The following PRDM15 variants were observed in gnomAD, a reference collection of about 807,000 sequenced individuals.
PRDM15 encodes the protein PR domain zinc finger protein 15.
Under a neutral mutation model 128.6 loss-of-function variants are expected in PRDM15, and 64 were observed. The ratio of observed to expected loss-of-function variants is 0.50; its 90% CI spans 0.41 to 0.61. The LOEUF is 0.61. Among genes scored for constraint, PRDM15 ranks in the 20% least tolerant of loss-of-function variants. PRDM15 has a pLI of 0.00. For synonymous variants in PRDM15, 615 were observed against 621.8 expected, an observed-to-expected ratio of 0.99 and a Z score of 0.16; for missense variants, 1,242 against 1,569.1, an observed-to-expected ratio of 0.79 and a Z score of 3.52.
intron 1 of PRDM15, among the ~76,000 whole-genome samples, chr21:41,871,199 G>A (rs951134230): frequency 2.0e-5 from 3 of 152,124 alleles, no homozygotes; most frequent in African/African-American, 7.2e-5. Flanking sequence ...CAGTTAAAAG[G>A]CATGTGTTCT....
rs181210019 is a variant in PRDM15, at chr21:41,870,417, C to A, written c.-10+8853G>T. ...GGAGTTTTTGTTGAAGCAGGAGGAG[C>A]ATCTTTCCCGCTGGGCACACGGCCT... On this transcript the variant is annotated intron_variant, in intron 1 of 23. Coordinates refer to ENST00000398548, the MANE Select transcript of PRDM15 (RefSeq NM_001040424.3). 1.4e-4 allele frequency among the ~76,000 whole-genome samples: 21 copies of A among 152,244 alleles called. No homozygotes were observed. In the East Asian group the frequency reaches 2.3e-3, roughly 17 times the overall value.
intron 1 of PRDM15, among the ~76,000 whole-genome samples, chr21:41,868,002 A>G (rs1337622888): frequency 6.6e-6 from 1 of 151,150 alleles, no homozygotes; most frequent in Non-Finnish European, 1.5e-5. Context: ...TGCTGCAGTG[A>G]GACGAGATCC....
intron 22 of PRDM15, among the ~76,000 whole-genome samples, chr21:41,803,785 G>C (rs993644457): frequency 6.6e-6 from 1 of 152,108 alleles, no homozygotes; most frequent in Non-Finnish European, 1.5e-5. Flanking sequence ...CGCTGTTTCA[G>C]AACGAGAGGC....
chr21:41,871,224 A>G (rs2064195821), intron 1 of PRDM15, among the ~76,000 whole-genome samples: 1 of 151,706 alleles, frequency 6.6e-6, no homozygotes, highest in Admixed American at 6.6e-5. Context: ...GCCGGCAGTA[A>G]CTCCCTTTCT....
In PRDM15 at chr21:41,847,241, G is replaced by A. The variant is rs1050565283; in HGVS notation, c.539-50C>T. ...AAGGTGACCCCCAAGCAGCTCATAT[G>A]TCTCCATGAATCCCGGCGCAGCGGA... On this transcript the variant is annotated intron_variant, in intron 5 of 23. Transcript: ENST00000398548. 6.1e-6 allele frequency: 8 copies of A among 1,313,814 alleles called. No individual in the cohort carries two copies. In the African/African-American group the frequency reaches 8.8e-5, roughly 14 times the overall value. The allele number at this position is 1,313,814 out of a possible 1,614,324, so 81.4% of individuals were successfully genotyped here. A position where few individuals can be genotyped will look rare whatever the true frequency, so the allele number is the denominator to read the frequency against.
At chr21:41,839,444 A>C (rs1001637741) in intron 7 of PRDM15, among the ~76,000 whole-genome samples, 179 bp downstream of exon 7, 6 of 152,198 alleles carry the variant, frequency 3.9e-5, no homozygotes, top group Admixed American at 3.9e-4. Context: ...TATTACATGG[A>C]AATTGTACTT....
At chr21:41,849,502 A>G (rs1263766329) in intron 5 of PRDM15, among the ~76,000 whole-genome samples, 2 of 151,708 alleles carry the variant, frequency 1.3e-5, no homozygotes. Flanking sequence ...CGGGAGGTGG[A>G]GGTTGCAGTG....
At position 41,859,153 on chromosome 21, in the gene PRDM15, A is replaced by G; in HGVS notation, c.131+439T>C. 1 of 1,613,818 alleles carries G rather than the reference A, an allele frequency of 6.2e-7. No homozygotes were observed. Among genetic ancestry groups the G allele is most frequent in the Middle Eastern group, 1.7e-4 (1 of 6,056 alleles). On this transcript the variant is annotated intron_variant, in intron 3 of 23. Coordinates refer to ENST00000398548, the MANE Select transcript of PRDM15 (RefSeq NM_001040424.3). This position sits in a 1 kb window ranked among gnomAD's most constrained non-coding sequence, Gnocchi z 5.3. ...CTGCTTCTGGAAGCTGCTGTGGGTC[A>G]GCCCTGTCCCTGTCCTCATAACCCC...
At chr21:41,868,006 G>A (rs1391352423) in intron 1 of PRDM15, among the ~76,000 whole-genome samples, 1 of 148,472 alleles carries the variant, frequency 6.7e-6, no homozygotes, top group Non-Finnish European at 1.5e-5. Flanking sequence ...GCAGTGAGAC[G>A]AGATCCACTG....
intron 21 of PRDM15, among the ~76,000 whole-genome samples, chr21:41,805,967 CTGCCATTCCTAT>C (rs2061554736): frequency 7.0e-6 from 1 of 143,344 alleles, no homozygotes; most frequent in Non-Finnish European, 1.5e-5. Flanking sequence ...ATCACCACCA[CTGCCATTCCTAT>C]CACCACTATC....
intron 1 of PRDM15, among the ~76,000 whole-genome samples, chr21:41,877,112 C>T (rs1407522059): frequency 6.6e-6 from 1 of 152,106 alleles, no homozygotes; most frequent in African/African-American, 2.4e-5. Context: ...GGGGCAGGCA[C>T]CACCGCACCC....
intron 13 of PRDM15, among the ~76,000 whole-genome samples, chr21:41,824,256 T>C (rs537403697): frequency 2.0e-5 from 3 of 152,312 alleles, no homozygotes; most frequent in South Asian, 2.1e-4. Flanking sequence ...GCGACATCTC[T>C]TTCCAAGATG....
In PRDM15 at chr21:41,854,567, G is replaced by T; in HGVS notation, c.537C>A (p.His179Gln). 6.2e-7 allele frequency: 1 copy of T among 1,612,810 alleles called. No individual in the cohort carries two copies. ...PMLKQAGSGV[H>Q]AAGTPENSAP... ...TCCGGATCGGGGGCCGCCACATACC[G>T]TGGACGCCAGAGCCGGCCTGCTTCA... The change falls in exon 5 of 24, where the codon CAC becomes CAA. Residue 179 changes from histidine (H) to glutamine (Q), a missense_variant and splice_region_variant. Physicochemically the swap from His to Gln is conservative, Grantham distance 24. Around this residue, in one of 3 missense-constraint regions of PRDM15, gnomAD observed 612 missense variants for 717.0 expected, o/e 0.85. Coordinates refer to ENST00000398548, the MANE Select transcript of PRDM15 (RefSeq NM_001040424.3). The surrounding 1 kb of genome is among the most constrained non-coding windows in gnomAD (Gnocchi z 4.6).
intron 14 of PRDM15, 164 bp downstream of exon 14, chr21:41,823,154 C>T (rs772867477): frequency 2.4e-5 from 22 of 915,698 alleles, no homozygotes; most frequent in South Asian, 8.5e-5. Context: ...CGCCAGACAC[C>T]GAATCTATGG....
At chr21:41,847,030 AG>A in intron 6 of PRDM15, 59 bp downstream of exon 6, 1 of 1,132,626 alleles carries the variant, frequency 8.8e-7, no homozygotes, top group African/African-American at 1.5e-5. Flanking sequence ...TGACAGCGTA[AG>A]TCAGAGAGAA....
In PRDM15 at chr21:41,819,688, G is replaced by T; in HGVS notation, c.2154C>A (p.His718Gln). 1 of 1,603,262 alleles carries T rather than the reference G, an allele frequency of 6.2e-7. No homozygotes were observed. ...AGGACTTCCCACACTGCTCGCAGGCGTGGCTCTTCACACCTGAGAACACAG... is the reference window on the plus strand; with the variant it reads ...AGGACTTCCCACACTGCTCGCAGGCTTGGCTCTTCACACCTGAGAACACAG... ...HKLIHTGVKS[H>Q]ACEQCGKSFA... is the part of the protein sequence containing the mutation. The change falls in exon 18 of 24, where the codon CAC (histidine) becomes CAA (glutamine). Residue 718 changes from histidine (H) to glutamine (Q), a missense_variant. By Grantham distance (24) the His-to-Gln change is conservative. Coordinates refer to ENST00000398548, the MANE Select transcript of PRDM15 (RefSeq NM_001040424.3).
intron 23 of PRDM15, 87 bp downstream of exon 23, chr21:41,802,623 TAA>T: frequency 1.9e-6 from 2 of 1,075,394 alleles, no homozygotes; most frequent in Admixed American, 1.7e-5. Flanking sequence ...CTGTGTATAG[TAA>T]AAAGAGATGG....
At chr21:41,858,432 T>C (rs28476548) in intron 3 of PRDM15, among the ~76,000 whole-genome samples, 2,746 of 132,552 alleles carry the variant, frequency 0.021, 61 homozygotes, top group African/African-American at 0.059. Context: ...AGCACAGGCC[T>C]CTCCGACAGA....
chr21:41,830,709 C>A (rs118192623), intron 11 of PRDM15, among the ~76,000 whole-genome samples: 3 of 152,126 alleles, frequency 2.0e-5, no homozygotes, highest in Admixed American at 6.6e-5. Flanking sequence ...TACATCCACA[C>A]ACCACAGAAA....
Sources: gnomAD v4.1 joint callset for allele counts (sites outside exome capture counted in the v4.1 genomes callset) on GRCh38, gnomAD v4.1.1 for gene constraint, gnomAD v4.1.1 regional missense constraint, Gnocchi (gnomAD v3.1) non-coding constraint, MANE v1.5 for transcripts, NCBI Gene and HGNC (gene_info 2026-07-23, HGNC 2026-07-21) for gene names.